Variants in SCTR observed in about 807,000 individuals in gnomAD.
The protein encoded by SCTR is pancreatic secretin receptor.
Under a neutral mutation model 60.8 loss-of-function variants are expected in SCTR, and 56 were observed. The ratio of observed to expected loss-of-function variants is 0.92; its 90% CI spans 0.74 to 1.15. SCTR has a LOEUF of 1.15. Ranked by LOEUF, SCTR falls within the 50% of genes most tolerant of loss-of-function variation. The pLI, the probability that SCTR is intolerant of heterozygous loss-of-function variation, is 0.00. For synonymous variants in SCTR, 202 were observed against 217.0 expected, an observed-to-expected ratio of 0.93 and a Z score of 0.61; for missense variants, 562 against 550.4, an observed-to-expected ratio of 1.02 and a Z score of -0.21.
In SCTR at chr2:119,451,054, G is replaced by T. The variant is rs563456091; in HGVS notation, c.921+956C>A. The stretch of plus-strand genomic sequence containing the variant: ...GAATAAAAGAAGGTTGTCATGGAAT[G>T]GTCCTCTCCTCTCAACCAATCCCAA... On this transcript the variant is annotated intron_variant, in intron 9 of 12. Transcript: ENST00000019103. 2.0e-5 allele frequency among the ~76,000 whole-genome samples: 3 copies of T among 152,330 alleles called. No individual in the cohort carries two copies. In the South Asian group the frequency reaches 6.2e-4, roughly 32 times the overall value.
intron 11 of SCTR, among the ~76,000 whole-genome samples, chr2:119,444,119 G>A (rs112163015): frequency 0.036 from 5,204 of 146,188 alleles, 294 homozygotes; most frequent in African/African-American, 0.12. Context: ...TTTCTCATGT[G>A]TGTGTATATA....
chr2:119,486,053 T>C (rs1220196824), intron 2 of SCTR: 4 of 152,188 alleles, frequency 2.6e-5, no homozygotes, highest in Non-Finnish European at 5.9e-5. Flanking sequence ...GCACAGGAGC[T>C]GTGGTCAGGA....
chr2:119,524,332 C>T lies in SCTR; in HGVS notation c.-106G>A. 1.4e-6 allele frequency: 1 copy of T among 722,534 alleles called. No individual in the cohort carries two copies. The highest frequency in any genetic ancestry group is 3.4e-5 in the South Asian group (1 of 29,724). 44.8% of individuals were successfully genotyped at this position (722,534 alleles called of 1,614,324 possible). A position where few individuals can be genotyped will look rare whatever the true frequency, so the allele number is the denominator to read the frequency against. On this transcript the variant is annotated 5_prime_UTR_variant, in exon 1 of 13. Coordinates refer to ENST00000019103, the MANE Select transcript of SCTR (RefSeq NM_002980.3). ...CAGGGTCCCGGGCTCCGGCCGGCCG[C>T]TGCGCCCCGAGGAGCCATGGCTGAG...
At chr2:119,471,325 T>G in intron 4 of SCTR, among the ~76,000 whole-genome samples, 1 of 147,288 alleles carries the variant, frequency 6.8e-6, no homozygotes, top group Non-Finnish European at 1.5e-5. Context: ...TATAAGTCGA[T>G]GATAGAACTG....
rs144884507 is a variant in SCTR at position 119,452,293 on chromosome 2, G to A, written c.852-214C>T. Among the ~76,000 whole-genome samples, 198 of 152,282 alleles carry A rather than the reference G, an allele frequency of 1.3e-3. 1 individual carries two copies. Among genetic ancestry groups the A allele is most frequent in the Admixed American group, 2.5e-3 (38 of 15,298 alleles). ...AGGGAGTGGCCACCTGTCTCCCTGC[G>A]AGAACCTGAGAGCCGGGAGACTCCC... is the stretch of plus-strand genomic sequence containing the variant. On this transcript the variant is annotated intron_variant, in intron 8 of 12. Transcript: ENST00000019103.
At chr2:119,469,540 G>C (rs1456573739) in intron 4 of SCTR, among the ~76,000 whole-genome samples, 1 of 152,096 alleles carries the variant, frequency 6.6e-6, no homozygotes, top group Admixed American at 6.5e-5. Flanking sequence ...ATCCAGGCTG[G>C]AGTACAGTAG....
chr2:119,441,554 T>A lies in SCTR; in HGVS notation c.1182+4A>T. 6.2e-7 allele frequency: 1 copy of A among 1,611,696 alleles called. No homozygotes were observed. Among genetic ancestry groups the A allele is most frequent in the South Asian group, 1.1e-5 (1 of 90,526 alleles). On this transcript the variant is annotated splice_donor_region_variant and intron_variant, in intron 12 of 12. Coordinates refer to ENST00000019103, the MANE Select transcript of SCTR (RefSeq NM_002980.3). ...GGGTACCTGGGTGACCCAAGACTACTCACCTCCCCATTGAGGAAGCAGTAG... is the reference window on the plus strand; with the variant it reads ...GGGTACCTGGGTGACCCAAGACTACACACCTCCCCATTGAGGAAGCAGTAG...
intron 7 of SCTR, among the ~76,000 whole-genome samples, chr2:119,455,191 C>T (rs1683327606): frequency 6.6e-6 from 1 of 152,208 alleles, no homozygotes; most frequent in African/African-American, 2.4e-5. Context: ...CCTCTGCCCA[C>T]CTCCCTGCCA....
At chr2:119,444,155 A>ATATATACACATATGTATATATACATATG (rs1558830607) in intron 11 of SCTR, among the ~76,000 whole-genome samples, 6 of 146,392 alleles carry the variant, frequency 4.1e-5, no homozygotes, top group African/African-American at 1.3e-4. Flanking sequence ...ATATTCTTAT[A>ATATATACACATATGTATATATACATATG]TATATATACA....
intron 1 of SCTR, among the ~76,000 whole-genome samples, chr2:119,502,880 C>T (rs1477977983): frequency 6.6e-6 from 1 of 151,004 alleles, no homozygotes; most frequent in Non-Finnish European, 1.5e-5. Context: ...TGGTGGCTCA[C>T]ACCTGTAATC....
intron 7 of SCTR, among the ~76,000 whole-genome samples, chr2:119,455,944 C>T (rs113827909): frequency 3.5e-4 from 53 of 152,144 alleles, no homozygotes; most frequent in African/African-American, 1.3e-3. Context: ...GAGAGAAGAT[C>T]CTGCAGCTTA....
In SCTR at chr2:119,524,220, G is replaced by A. The variant is rs1465077236; in HGVS notation, c.7C>T (p.Pro3Ser). Residue 3 changes from proline to serine, a missense_variant, in exon 1 of 13, where the codon CCC becomes TCC. Physicochemically the swap from Pro to Ser is moderately conservative, Grantham distance 74. Transcript: ENST00000019103. ...TGCTGCAGCGGCGGCGACAGGTGGG[G>A]ACGCATGGTGCCCGCACGTTCCCCG... is the stretch of plus-strand genomic sequence containing the variant. MR[P>S]HLSPPLQQLL... 2 of 1,503,620 alleles carry A rather than the reference G, an allele frequency of 1.3e-6. No homozygotes were observed. Among genetic ancestry groups the A allele is most frequent in the Non-Finnish European group, 8.9e-7 (1 of 1,125,696 alleles). 93.1% of individuals were successfully genotyped at this position (1,503,620 alleles called of 1,614,324 possible).
intron 11 of SCTR, among the ~76,000 whole-genome samples, chr2:119,442,728 C>T (rs939632612): frequency 6.6e-6 from 1 of 152,134 alleles, no homozygotes; most frequent in Non-Finnish European, 1.5e-5. Flanking sequence ...ACATTAGAAT[C>T]ACCTGGGACC....
chr2:119,509,309 T>C (rs561791487), intron 1 of SCTR, among the ~76,000 whole-genome samples: 8 of 152,312 alleles, frequency 5.3e-5, no homozygotes, highest in African/African-American at 1.7e-4. Context: ...TAAACACTTA[T>C]TGCTGCATGC....
At chr2:119,511,081 T>C (rs1678915600) in intron 1 of SCTR, among the ~76,000 whole-genome samples, 1 of 151,984 alleles carries the variant, frequency 6.6e-6, no homozygotes, top group Non-Finnish European at 1.5e-5. Context: ...CGAGCACCTG[T>C]AGTCCTGGCT....
intron 9 of SCTR, among the ~76,000 whole-genome samples, chr2:119,450,214 AT>A (rs1297231990): frequency 6.6e-6 from 1 of 152,188 alleles, no homozygotes; most frequent in Non-Finnish European, 1.5e-5. Context: ...GAATGAGTCC[AT>A]TTTTAAATAG....
rs1683194594 is a variant in SCTR, at chr2:119,452,090, G to A, written c.852-11C>T. 5.1e-6 allele frequency: 8 copies of A among 1,578,512 alleles called. No individual in the cohort carries two copies. Among genetic ancestry groups the A allele is most frequent in the Non-Finnish European group, 6.1e-6 (7 of 1,151,548 alleles). ...TTGATGTCCCAGCACCTAAGGGAGG[G>A]ACAGCTGGGCATGGTTATGAGCAGG... On this transcript the variant is annotated splice_polypyrimidine_tract_variant and intron_variant, in intron 8 of 12. Coordinates refer to ENST00000019103, the MANE Select transcript of SCTR (RefSeq NM_002980.3).
intron 1 of SCTR, among the ~76,000 whole-genome samples, chr2:119,510,830 C>A (rs914124250): frequency 1.3e-5 from 2 of 151,914 alleles, no homozygotes; most frequent in African/African-American, 2.4e-5. Context: ...CTTCCATAAC[C>A]TTTACCTGCT....
In SCTR at chr2:119,448,770, A is replaced by G; in HGVS notation, c.932T>C (p.Ile311Thr). Residue 311 changes from isoleucine (I) to threonine (T), a missense_variant, in exon 10 of 13, where the codon ATC becomes ACC. By Grantham distance (89) the Ile-to-Thr change is moderately conservative (BLOSUM62 -1). Transcript: ENST00000019103. ...GATTCTTAGAATGTTTATGAAAAGG[A>G]TGAAATTAATCTGCAAAACACAAGG... Reference protein sequence around the residue: ...PVILSILINFILFINILRILM... With the variant: ...PVILSILINFTLFINILRILM... 6.3e-7 allele frequency: 1 copy of G among 1,583,858 alleles called. No individual in the cohort carries two copies. Among genetic ancestry groups the G allele is most frequent in the South Asian group, 1.1e-5 (1 of 90,442 alleles).
Sources: gnomAD v4.1 joint callset for allele counts (sites outside exome capture counted in the v4.1 genomes callset) on GRCh38, gnomAD v4.1.1 for gene constraint, MANE v1.5 for transcripts, NCBI Gene and HGNC (gene_info 2026-07-23, HGNC 2026-07-21) for gene names.